Variants in DLST observed in about 807,000 individuals in gnomAD.
The protein encoded by DLST is dihydrolipoyllysine-residue succinyltransferase component of 2-oxoglutarate dehydrogenase complex, mitochondrial.
Under a neutral mutation model 53.1 loss-of-function variants are expected in DLST, and 17 were observed. The ratio of observed to expected loss-of-function variants is 0.32; its 90% CI spans 0.22 to 0.48. The LOEUF (loss-of-function observed/expected upper bound fraction) is 0.48. DLST is among the 20% of genes least tolerant of loss of function. The pLI, the probability that DLST is intolerant of heterozygous loss-of-function variation, is 0.99. For missense variants in DLST, 512 were observed against 583.9 expected (o/e 0.88, Z 1.27); for synonymous variants, 206 against 204.8 (o/e 1.01, Z -0.05).
At chr14:74,898,624 A>G (rs1437828994) in intron 11 of DLST, 125 bp downstream of exon 11, 2 of 1,206,808 alleles carry the variant, frequency 1.7e-6, no homozygotes, top group Middle Eastern at 2.4e-4. Flanking sequence ...AAATATCAGT[A>G]TCTTCCCCAG....
At chr14:74,894,851 T>C (rs1382349509) in intron 10 of DLST, among the ~76,000 whole-genome samples, 2 of 152,094 alleles carry the variant, frequency 1.3e-5, no homozygotes, top group Admixed American at 6.5e-5. Context: ...CTGGCCTGTT[T>C]ATTGTTAACT....
intron 14 of DLST, 80 bp downstream of exon 14, chr14:74,901,313 TTAAC>T (rs1320681450): frequency 1.5e-5 from 20 of 1,369,200 alleles, no homozygotes; most frequent in Middle Eastern, 1.8e-4. Flanking sequence ...TTGTAAAACA[TTAAC>T]TATAATTTCA....
Position 74,894,404 on chromosome 14 carries a change from C to T in DLST, c.765C>T (p.Asp255=), listed in dbSNP as rs1301499462. 5 of 1,613,972 alleles carry T rather than the reference C, an allele frequency of 3.1e-6. No individual in the cohort carries two copies. Among genetic ancestry groups the T allele is most frequent in the Non-Finnish European group, 2.5e-6 (3 of 1,179,992 alleles). ...CAMLTTFNEI[D]MSNIQEMRAR... ...TGCTGACAACTTTTAATGAGATTGA[C>T]ATGAGGTAGTGTCTCTAGTCCCTCT... Residue 255 remains aspartate, a synonymous_variant, in exon 10 of 15, where the codon GAC becomes GAT. Transcript: ENST00000334220.
intron 5 of DLST, chr14:74,889,649 A>C: frequency 1.8e-6 from 1 of 551,850 alleles, no homozygotes. Flanking sequence ...TTGGGATTAC[A>C]GGCCTGAGCC....
intron 2 of DLST, 27 bp downstream of exon 2, chr14:74,882,651 A>G (rs763036784): frequency 6.2e-7 from 1 of 1,612,518 alleles, no homozygotes. Flanking sequence ...CCGTCACCTA[A>G]AATGCTCTCC....
chr14:74,897,102 A>G (rs186735418), intron 10 of DLST, among the ~76,000 whole-genome samples: 60 of 152,314 alleles, frequency 3.9e-4, no homozygotes, highest in Non-Finnish European at 6.0e-4. Flanking sequence ...GAGAGCAGAG[A>G]TGTTTATCAC....
chr14:74,892,808 T>C, intron 7 of DLST, 26 bp from the exon 8 acceptor site: 1 of 1,580,844 alleles, frequency 6.3e-7, no homozygotes, highest in East Asian at 2.2e-5. Flanking sequence ...ACAGTGCCAG[T>C]GGCATATACT....
chr14:74,882,702 T>A, intron 2 of DLST, 78 bp downstream of exon 2: 1 of 1,321,104 alleles, frequency 7.6e-7, no homozygotes, highest in African/African-American at 1.4e-5. Flanking sequence ...GGGGTGCCTG[T>A]GTTTCTCATA....
At chr14:74,891,310 A>G (rs1883899535) in intron 7 of DLST, 143 bp downstream of exon 7, 2 of 1,440,834 alleles carry the variant, frequency 1.4e-6, no homozygotes, top group South Asian at 1.5e-5. Flanking sequence ...GTAAATTTAT[A>G]TATAGTGTGA....
Position 74,892,934 on chromosome 14 carries a change from C to T in DLST, c.543C>T (p.Pro181=), listed in dbSNP as rs746753519. The T allele has an allele frequency of 6.2e-7, 1 of 1,614,104 alleles. No individual in the cohort carries two copies. Among genetic ancestry groups the T allele is most frequent in the Non-Finnish European group, 8.5e-7 (1 of 1,180,002 alleles). The part of the protein sequence containing the change: ...AAVPPPAAPI[P]TQMPPVPSPS... The stretch of plus-strand genomic sequence containing the variant: ...TTCCTCCCCCTGCAGCACCCATACC[C>T]ACTCAGATGCCACCGGTGCCCTCGC... Residue 181 remains proline, a synonymous_variant, in exon 8 of 15, where the codon CCC becomes CCT. Transcript: ENST00000334220.
intron 3 of DLST, among the ~76,000 whole-genome samples, chr14:74,887,319 A>G (rs933568224): frequency 6.6e-6 from 1 of 152,204 alleles, no homozygotes; most frequent in African/African-American, 2.4e-5. Context: ...GTGAACATCT[A>G]GTTATTTAGA....
At chr14:74,883,586 TG>T (rs1883606835) in intron 2 of DLST, among the ~76,000 whole-genome samples, 1 of 152,242 alleles carries the variant, frequency 6.6e-6, no homozygotes, top group Non-Finnish European at 1.5e-5. Flanking sequence ...CCTAAGTATT[TG>T]TTGAATGAGT....
intron 10 of DLST, 29 bp from the exon 11 acceptor site, chr14:74,898,340 G>A: frequency 6.2e-7 from 1 of 1,603,928 alleles, no homozygotes; most frequent in Non-Finnish European, 8.5e-7. Context: ...CAGGCTTTGT[G>A]GTCAGTTTGT....
chr14:74,892,271 C>T (rs907349003), intron 7 of DLST, among the ~76,000 whole-genome samples: 7 of 152,056 alleles, frequency 4.6e-5, no homozygotes, highest in Admixed American at 1.3e-4. Flanking sequence ...TTGGTAGGGA[C>T]GGGCTTTCAC....
chr14:74,900,981 C>T (rs1884227428), intron 13 of DLST, 85 bp from the exon 14 acceptor site: 3 of 1,485,590 alleles, frequency 2.0e-6, no homozygotes, highest in Admixed American at 1.9e-5. Flanking sequence ...CTGCCTCGGC[C>T]TCCCAAAGCG....
At chr14:74,882,097 G>C in intron 1 of DLST, 81 bp downstream of exon 1, 1 of 1,300,018 alleles carries the variant, frequency 7.7e-7, no homozygotes, top group South Asian at 1.8e-5. Context: ...GCAGGGGCGC[G>C]GCGCGCCGGC....
chr14:74,881,999 C>G lies in DLST; in HGVS notation c.46C>G (p.Leu16Val). ...RCVSRAFSRS[L>V]SAFQKGNCPL... ...TGTGTCTCGGGCGTTCAGCCGCTCGCTCTCCGCCTTCCAGAAGGTACGGTC... is the reference window on the plus strand; with the variant it reads ...TGTGTCTCGGGCGTTCAGCCGCTCGGTCTCCGCCTTCCAGAAGGTACGGTC... The change falls in exon 1 of 15, where the codon CTC becomes GTC. Residue 16 changes from leucine to valine, a missense_variant. Coordinates refer to ENST00000334220, the MANE Select transcript of DLST (RefSeq NM_001933.5). The G allele has an allele frequency of 1.3e-6, 2 of 1,572,684 alleles. No homozygotes were observed. Among genetic ancestry groups the G allele is most frequent in the Non-Finnish European group, 1.7e-6 (2 of 1,167,704 alleles).
At position 74,902,301 on chromosome 14, in the gene DLST, G is replaced by A. The variant is rs1884282874; in HGVS notation, c.1333G>A (p.Asp445Asn). Reference sequence around the variant, plus strand: ...CCGCAAAATCAAGGCAGCGGTAGAGGATCCCAGAGTCCTCCTCCTGGATCT... The same window carrying A: ...CCGCAAAATCAAGGCAGCGGTAGAGAATCCCAGAGTCCTCCTCCTGGATCT... ...FLRKIKAAVE[D>N]PRVLLLDL Residue 445 changes from aspartate (D) to asparagine (N), a missense_variant, in exon 15 of 15, where the codon GAT becomes AAT. This residue lies in a region of DLST where 186 missense variants were observed against 260.4 expected (regional missense o/e 0.71). Coordinates refer to ENST00000334220, the MANE Select transcript of DLST (RefSeq NM_001933.5). 6.2e-7 allele frequency: 1 copy of A among 1,612,636 alleles called. No homozygotes were observed. Among genetic ancestry groups the A allele is most frequent in the East Asian group, 2.2e-5 (1 of 44,860 alleles).
intron 2 of DLST, among the ~76,000 whole-genome samples, chr14:74,883,059 C>T (rs1248655913): frequency 6.6e-6 from 1 of 152,198 alleles, no homozygotes; most frequent in East Asian, 1.9e-4. Context: ...CTCTGGGAGG[C>T]TGAGGCGGGC....
Sources: gnomAD v4.1 joint callset for allele counts (sites outside exome capture counted in the v4.1 genomes callset) on GRCh38, gnomAD v4.1.1 for gene constraint, gnomAD v4.1.1 regional missense constraint, MANE v1.5 for transcripts, NCBI Gene and HGNC (gene_info 2026-07-23, HGNC 2026-07-21) for gene names.